Variants in TPO observed in about 807,000 individuals in gnomAD.
TPO encodes thyroid microsomal antigen.
A neutral mutation model predicts 96.9 loss-of-function variants in TPO; 78 were observed. The observed-to-expected ratio is 0.81, with a 90% CI of 0.67 to 0.97. The LOEUF is 0.97. TPO is among the 50% of genes least tolerant of loss of function. TPO has a pLI of 0.00. For synonymous variants in TPO, 547 were observed against 538.0 expected (o/e 1.02, Z -0.23); for missense variants, 1,252 against 1,274.8 (o/e 0.98, Z 0.27).
intron 13 of TPO, among the ~76,000 whole-genome samples, chr2:1,498,528 A>T: frequency 6.6e-6 from 1 of 152,248 alleles, no homozygotes; most frequent in Admixed American, 6.5e-5. Context: ...CCTGGGCTGG[A>T]AACCCTCTGT....
chr2:1,542,958 A>C lies in TPO; in HGVS notation c.*484A>C, dbSNP rs1212401583. 5 of 241,864 alleles carry C rather than the reference A, an allele frequency of 2.1e-5. No individual in the cohort carries two copies. The highest frequency in any genetic ancestry group is 3.3e-5 in the Non-Finnish European group (4 of 122,598). 15.0% of individuals were successfully genotyped at this position (241,864 alleles called of 1,614,324 possible). ...CCTGCAGGGCCGGTGGGAGGAGGAA[A>C]GTGATTCTGAGGGAGAGGCTGGAGC... On this transcript the variant is annotated 3_prime_UTR_variant, in exon 17 of 17. Coordinates refer to ENST00000329066, the MANE Select transcript of TPO (RefSeq NM_001206744.2).
chr2:1,378,409 G>A (rs1312199758), intron 1 of TPO, among the ~76,000 whole-genome samples: 1 of 152,236 alleles, frequency 6.6e-6, no homozygotes, highest in African/African-American at 2.4e-5. Context: ...CTGTGGTGCT[G>A]AGCAGAGGTG....
intron 5 of TPO, among the ~76,000 whole-genome samples, chr2:1,450,544 G>T (rs188239784): frequency 5.3e-4 from 80 of 152,286 alleles, no homozygotes; most frequent in African/African-American, 1.8e-3. Flanking sequence ...GAAAGGAACA[G>T]TGTGGTACAA....
intron 10 of TPO, among the ~76,000 whole-genome samples, chr2:1,493,218 G>GGGT (rs1671968146): frequency 9.4e-6 from 1 of 106,366 alleles, no homozygotes; most frequent in Non-Finnish European, 2.0e-5. Flanking sequence ...GTGGGGGGGG[G>GGGT]GGTGCTGGCT....
chr2:1,475,332 C>T (rs2148664533), intron 7 of TPO, among the ~76,000 whole-genome samples: 1 of 152,190 alleles, frequency 6.6e-6, no homozygotes, highest in East Asian at 1.9e-4. Context: ...TTCAGCTCCT[C>T]CCTGGGTTCC....
At chr2:1,516,442 G>T (rs1361098313) in intron 14 of TPO, among the ~76,000 whole-genome samples, 1 of 152,172 alleles carries the variant, frequency 6.6e-6, no homozygotes, top group African/African-American at 2.4e-5. Context: ...TGCAGCCAAG[G>T]GCAAAACCTC....
chr2:1,511,787 C>G (rs541756224), intron 14 of TPO, among the ~76,000 whole-genome samples: 1 of 152,338 alleles, frequency 6.6e-6, no homozygotes, highest in Non-Finnish European at 1.5e-5. Context: ...AATGCTCCAT[C>G]CCCAAATCAG....
intron 1 of TPO, among the ~76,000 whole-genome samples, chr2:1,377,075 C>A (rs1661733625): frequency 6.6e-6 from 1 of 152,190 alleles, no homozygotes; most frequent in Non-Finnish European, 1.5e-5. Context: ...CAGAGCTCGG[C>A]CACTTAAATA....
chr2:1,426,907 C>T (rs1664471418), intron 3 of TPO, among the ~76,000 whole-genome samples: 2 of 152,168 alleles, frequency 1.3e-5, no homozygotes, highest in South Asian at 2.1e-4. Context: ...TAAATCATTT[C>T]TTCCACTCAC....
intron 8 of TPO, among the ~76,000 whole-genome samples, chr2:1,483,736 G>A (rs1019898269): frequency 3.9e-5 from 6 of 152,158 alleles, no homozygotes; most frequent in Non-Finnish European, 8.8e-5. Context: ...CCAGGTCTCC[G>A]AGGTGGAGCG....
intron 5 of TPO, chr2:1,439,290 T>C (rs1174770724): frequency 1.2e-5 from 2 of 161,698 alleles, no homozygotes; most frequent in Non-Finnish European, 2.7e-5. Flanking sequence ...TCTCTCCTTC[T>C]GTGGTAACAG....
At chr2:1,532,940 T>C (rs1678655858) in intron 15 of TPO, among the ~76,000 whole-genome samples, 2 of 112,154 alleles carry the variant, frequency 1.8e-5, no homozygotes, top group Non-Finnish European at 1.7e-5. Flanking sequence ...CCCCACTATG[T>C]GCAACCTCCT....
At chr2:1,471,853 A>G (rs1669446938) in intron 7 of TPO, among the ~76,000 whole-genome samples, 1 of 152,138 alleles carries the variant, frequency 6.6e-6, no homozygotes, top group South Asian at 2.1e-4. Context: ...CTCAGCACTC[A>G]TGGCATGCCC....
intron 3 of TPO, among the ~76,000 whole-genome samples, chr2:1,425,891 C>G (rs1664328372): frequency 6.7e-6 from 1 of 149,606 alleles, no homozygotes; most frequent in Non-Finnish European, 1.5e-5. Context: ...AGTCTGTGCT[C>G]CTTCCGTAAA....
chr2:1,488,334 G>A (rs1022801043), intron 10 of TPO, among the ~76,000 whole-genome samples: 12 of 152,056 alleles, frequency 7.9e-5, no homozygotes, highest in Middle Eastern at 3.2e-3. Context: ...TGGCTAGAGT[G>A]CCCCCCTCCC....
chr2:1,464,363 G>A (rs142527756), intron 7 of TPO, among the ~76,000 whole-genome samples: 1 of 152,210 alleles, frequency 6.6e-6, no homozygotes, highest in African/African-American at 2.4e-5. Context: ...AAACACGGAT[G>A]TGCCAATGCA....
chr2:1,522,700 A>G (rs1675449772), intron 15 of TPO, among the ~76,000 whole-genome samples: 1 of 152,006 alleles, frequency 6.6e-6, no homozygotes, highest in African/African-American at 2.4e-5. Flanking sequence ...GGCTACACCC[A>G]AACACCACCC....
chr2:1,537,402 G>T (rs1348074449), intron 15 of TPO, among the ~76,000 whole-genome samples: 2 of 119,394 alleles, frequency 1.7e-5, no homozygotes, highest in Non-Finnish European at 3.4e-5. Context: ...TCCCCCCACT[G>T]TGAGCAACCT....
intron 7 of TPO, among the ~76,000 whole-genome samples, chr2:1,474,194 G>A (rs898297121): frequency 1.1e-4 from 17 of 152,130 alleles, no homozygotes; most frequent in Non-Finnish European, 1.9e-4. Flanking sequence ...AACCAGGAAT[G>A]GTAAGTAATA....
Sources: gnomAD v4.1 joint callset for allele counts (sites outside exome capture counted in the v4.1 genomes callset) on GRCh38, gnomAD v4.1.1 for gene constraint, MANE v1.5 for transcripts, NCBI Gene and HGNC (gene_info 2026-07-23, HGNC 2026-07-21) for gene names.